The following ATP1B1 variants were observed in gnomAD, a reference collection of about 807,000 sequenced individuals.
The protein encoded by ATP1B1 is sodium/potassium-transporting ATPase subunit beta-1.
Under a neutral mutation model 39.6 loss-of-function variants are expected in ATP1B1, and 3 were observed. The observed-to-expected ratio is 0.08, with a 90% CI of 0.03 to 0.20. ATP1B1 has a LOEUF of 0.20. ATP1B1 is among the 10% of genes least tolerant of loss of function. The pLI, the probability that ATP1B1 is intolerant of heterozygous loss-of-function variation, is 1.00. For missense variants in ATP1B1, 216 were observed against 371.1 expected (o/e 0.58, Z 3.43); for synonymous variants, 139 against 135.0 (o/e 1.03, Z -0.20).
chr1:169,128,815 T>C (rs187352226), intron 4 of ATP1B1, among the ~76,000 whole-genome samples: 33 of 152,328 alleles, frequency 2.2e-4, no homozygotes, highest in Admixed American at 7.8e-4. Flanking sequence ...TCTATTGTGA[T>C]TGATTTCTTC....
chr1:169,118,054 C>A (rs774214558), intron 2 of ATP1B1, among the ~76,000 whole-genome samples: 10 of 152,108 alleles, frequency 6.6e-5, no homozygotes, highest in Non-Finnish European at 1.2e-4. Context: ...AAAAGTGGCA[C>A]CTTTCCTTTA....
At chr1:169,110,758 G>A (rs528708824) in intron 1 of ATP1B1, 16 of 1,077,434 alleles carry the variant, frequency 1.5e-5, no homozygotes, top group Middle Eastern at 2.4e-4. Context: ...CTTGTCCTCC[G>A]AGGGGAAAGA....
At chr1:169,127,508 G>C in intron 4 of ATP1B1, 100 bp downstream of exon 4, 7 of 1,317,932 alleles carry the variant, frequency 5.3e-6, no homozygotes, top group South Asian at 1.5e-5. Context: ...AGTATACTCA[G>C]TGCTGACTTT....
At chr1:169,128,203 C>A (rs1440089202) in intron 4 of ATP1B1, among the ~76,000 whole-genome samples, 1 of 152,104 alleles carries the variant, frequency 6.6e-6, no homozygotes, top group Admixed American at 6.5e-5. Flanking sequence ...GCAGGTTTCC[C>A]CCTAATCACC....
intron 1 of ATP1B1, among the ~76,000 whole-genome samples, 170 bp downstream of exon 1, chr1:169,107,096 C>T (rs982588555): frequency 1.3e-5 from 2 of 152,164 alleles, no homozygotes; most frequent in Non-Finnish European, 2.9e-5. Context: ...CAGTCCTGTG[C>T]GGAATGCGGT....
chr1:169,116,400 A>G (rs1336567806), intron 2 of ATP1B1, among the ~76,000 whole-genome samples: 4 of 152,184 alleles, frequency 2.6e-5, no homozygotes, highest in African/African-American at 9.7e-5. Context: ...TAGACGGCTC[A>G]GTGCTAGCAG....
intron 2 of ATP1B1, among the ~76,000 whole-genome samples, chr1:169,117,367 G>T (rs2101781847): frequency 6.6e-6 from 1 of 152,320 alleles, no homozygotes; most frequent in African/African-American, 2.4e-5. Context: ...CAACTACCCA[G>T]GTGGTGATTT....
rs1384504785 is a variant in ATP1B1, at chr1:169,132,028, T to TG, written c.*473_*474insG. On this transcript the variant is annotated 3_prime_UTR_variant, in exon 6 of 6. Transcript: ENST00000367815. Reference sequence around the variant, plus strand: ...TAAAACTGGCATGGTAATTTTTTTTTTTTTTTTTTTTTTGTTTTTTGGCTC... The same window carrying TG: ...TAAAACTGGCATGGTAATTTTTTTTTGTTTTTTTTTTTTTGTTTTTTGGCTC... The TG allele has an allele frequency of 1.2e-5, 3 of 250,920 alleles. No individual in the cohort carries two copies. The highest frequency in any genetic ancestry group is 2.6e-5 in the African/African-American group (1 of 38,780). The allele number at this position is 250,920 out of a possible 1,614,324, so 15.5% of individuals were successfully genotyped here. A position where few individuals can be genotyped will look rare whatever the true frequency, so the allele number is the denominator to read the frequency against.
intron 2 of ATP1B1, among the ~76,000 whole-genome samples, chr1:169,114,284 A>G (rs1657794411): frequency 6.6e-6 from 1 of 152,104 alleles, no homozygotes; most frequent in Admixed American, 6.5e-5. Flanking sequence ...TTGGCTTCAC[A>G]TTAGTATCTT....
Position 169,132,525 on chromosome 1 carries a change from A to G in ATP1B1, c.*970A>G, listed in dbSNP as rs1159000249. The G allele has an allele frequency of 4.6e-6, 2 of 435,236 alleles. No homozygotes were observed. The highest frequency in any genetic ancestry group is 8.1e-6 in the Non-Finnish European group (2 of 248,140). The allele number at this position is 435,236 out of a possible 1,614,324, so 27.0% of individuals were successfully genotyped here. A position where few individuals can be genotyped will look rare whatever the true frequency, so the allele number is the denominator to read the frequency against. Reference sequence around the variant, plus strand: ...AAGTGTAATGTATGAAATAAACCAAAGTCACTTGTTTGAAAATAAATCTTT... The same window carrying G: ...AAGTGTAATGTATGAAATAAACCAAGGTCACTTGTTTGAAAATAAATCTTT... On this transcript the variant is annotated 3_prime_UTR_variant, in exon 6 of 6. Transcript: ENST00000367815.
chr1:169,119,386 G>A (rs1248652010), intron 2 of ATP1B1, among the ~76,000 whole-genome samples: 1 of 152,194 alleles, frequency 6.6e-6, no homozygotes, highest in Non-Finnish European at 1.5e-5. Context: ...TAGAAGACTG[G>A]AGAGGGAAAA....
chr1:169,107,407 G>T (rs1657620833), intron 1 of ATP1B1, among the ~76,000 whole-genome samples: 1 of 152,152 alleles, frequency 6.6e-6, no homozygotes, highest in Non-Finnish European at 1.5e-5. Flanking sequence ...CAAAAGAGAG[G>T]AAAGAGAAGG....
intron 2 of ATP1B1, 97 bp from the exon 3 acceptor site, chr1:169,124,787 T>C (rs962033510): frequency 6.5e-6 from 9 of 1,393,104 alleles, no homozygotes; most frequent in Non-Finnish European, 8.9e-6. Flanking sequence ...TTTAGCCAAG[T>C]GGAGTTAGCA....
chr1:169,110,608 T>C (rs1386299085), intron 1 of ATP1B1: 1 of 740,518 alleles, frequency 1.4e-6, no homozygotes, highest in Admixed American at 3.7e-5. Context: ...TATTTCAGCC[T>C]CCATCCTGTT....
Position 169,132,193 on chromosome 1 carries a change from A to G in ATP1B1, c.*638A>G. The G allele has an allele frequency of 1.5e-6, 1 of 654,430 alleles. No individual in the cohort carries two copies. The highest frequency in any genetic ancestry group is 1.5e-5 in the South Asian group (1 of 65,186). The allele number at this position is 654,430 out of a possible 1,614,324, so 40.5% of individuals were successfully genotyped here. On this transcript the variant is annotated 3_prime_UTR_variant, in exon 6 of 6. Coordinates refer to ENST00000367815, the MANE Select transcript of ATP1B1 (RefSeq NM_001677.4). The stretch of plus-strand genomic sequence containing the variant: ...TGGGGGAACTGCCCTTTAAATTTTA[A>G]GTGACACTACAGAAAAACACAAAAA...
chr1:169,119,709 T>C (rs10919062), intron 2 of ATP1B1, among the ~76,000 whole-genome samples: 15,814 of 152,226 alleles, frequency 0.1, 1,096 homozygotes, highest in Admixed American at 0.21. Context: ...GATGGGGTTA[T>C]GTTCTAGTAA....
chr1:169,113,144 C>T (rs1657763700), intron 2 of ATP1B1, among the ~76,000 whole-genome samples: 1 of 151,998 alleles, frequency 6.6e-6, no homozygotes, highest in South Asian at 2.1e-4. Context: ...CAGCTCACTG[C>T]AGTCTCCGCC....
chr1:169,128,057 C>T (rs140381498), intron 4 of ATP1B1, among the ~76,000 whole-genome samples: 2 of 152,172 alleles, frequency 1.3e-5, no homozygotes, highest in East Asian at 3.9e-4. Context: ...CATTGCTCAC[C>T]ATTTGGTGAG....
At chr1:169,125,632 A>G (rs1299740536) in intron 3 of ATP1B1, among the ~76,000 whole-genome samples, 1 of 152,132 alleles carries the variant, frequency 6.6e-6, no homozygotes, top group African/African-American at 2.4e-5. Context: ...CCTCACTCTT[A>G]CTACCTGGAC....
Sources: allele counts gnomAD v4.1 joint callset (sites outside exome capture counted in the v4.1 genomes callset), GRCh38; gene constraint gnomAD v4.1.1; transcripts MANE v1.5; gene names NCBI Gene and HGNC (gene_info 2026-07-23, HGNC 2026-07-21).